PIK3C2G: variants seen among roughly 807,000 people sequenced by gnomAD.
PIK3C2G encodes phosphatidylinositol-4-phosphate 3-kinase catalytic subunit type 2 gamma.
Under a neutral mutation model 181.1 loss-of-function variants are expected in PIK3C2G, and 168 were observed. That is an observed-to-expected ratio of 0.93 (90% CI 0.82 to 1.05). The LOEUF (loss-of-function observed/expected upper bound fraction) is 1.05, where lower values mean the gene tolerates loss of function less well. Among genes scored for constraint, PIK3C2G ranks in the 50% least tolerant of loss-of-function variants. The pLI, the probability that PIK3C2G is intolerant of heterozygous loss-of-function variation, is 0.00. For synonymous variants in PIK3C2G, 573 were observed against 592.2 expected (o/e 0.97, Z 0.47); for missense variants, 1,869 against 1,732.8 (o/e 1.08, Z -1.40).
At chr12:18,451,671 T>C (rs751004134) in intron 18 of PIK3C2G, among the ~76,000 whole-genome samples, 6 of 152,250 alleles carry the variant, frequency 3.9e-5, no homozygotes, top group Admixed American at 6.5e-5. Context: ...AAGGAAATAC[T>C]TCCAGCTTTT....
At chr12:18,292,221 A>AT (rs1489451632) in intron 4 of PIK3C2G, among the ~76,000 whole-genome samples, 1 of 78,822 alleles carries the variant, frequency 1.3e-5, no homozygotes, top group Admixed American at 1.6e-4. Flanking sequence ...AAAAAAAAAA[A>AT]AAAAAAATAT....
chr12:18,358,162 A>G (rs926035398), intron 11 of PIK3C2G, among the ~76,000 whole-genome samples: 3 of 152,152 alleles, frequency 2.0e-5, no homozygotes, highest in Non-Finnish European at 2.9e-5. Context: ...AATATTCTGT[A>G]TTCCACTTTT....
At chr12:18,650,317 C>CTA (rs1317459756), downstream of PIK3C2G, among the ~76,000 whole-genome samples, 7 of 101,176 alleles carry the variant, frequency 6.9e-5, no homozygotes, top group African/African-American at 9.9e-5. Flanking sequence ...CTCTCTCTCT[C>CTA]TCTCTCTCTC....
the PIK3C2G span, among the ~76,000 whole-genome samples, chr12:18,662,754 C>T: frequency 6.6e-6 from 1 of 151,996 alleles, no homozygotes; most frequent in Non-Finnish European, 1.5e-5. Context: ...TCATATGTTA[C>T]TGAAGTTAAG....
chr12:18,404,987 G>A (rs1398653962), intron 16 of PIK3C2G, among the ~76,000 whole-genome samples: 1 of 152,150 alleles, frequency 6.6e-6, no homozygotes, highest in Non-Finnish European at 1.5e-5. Context: ...AACGCACAAA[G>A]CAGATTTGAG....
chr12:18,254,030 T>C (rs1303088417), intron 1 of PIK3C2G, among the ~76,000 whole-genome samples: 2 of 152,022 alleles, frequency 1.3e-5, no homozygotes, highest in East Asian at 3.9e-4. Context: ...AAAAGATGCA[T>C]CCTAAGAGCC....
rs34143887 is a variant in PIK3C2G, at chr12:18,587,893, TAA to T, written c.4012-6591_4012-6590del. ...GTAACTAAAACAGCATGGTACTGAT[TAA>T]AAAAAAAAAGACATATATATCAATA... On this transcript the variant is annotated intron_variant, in intron 29 of 32. Coordinates refer to ENST00000538779, the MANE Select transcript of PIK3C2G (RefSeq NM_001288772.2). Among the ~76,000 whole-genome samples the T allele has an allele frequency of 1.7e-4, 25 of 144,518 alleles. No individual in the cohort carries two copies. In the East Asian group the frequency reaches 4.0e-3, roughly 23 times the overall value. The allele number at this position is 144,518 out of a possible 152,430, so 94.8% of individuals were successfully genotyped here.
chr12:18,432,223 G>C (rs1440794959), intron 18 of PIK3C2G, among the ~76,000 whole-genome samples: 2 of 152,026 alleles, frequency 1.3e-5, no homozygotes, highest in Non-Finnish European at 2.9e-5. Context: ...CACAAATCAA[G>C]TCAAAAGCCA....
chr12:18,630,477 T>C (rs932521746), intron 31 of PIK3C2G, among the ~76,000 whole-genome samples: 1 of 152,102 alleles, frequency 6.6e-6, no homozygotes, highest in African/African-American at 2.4e-5. Flanking sequence ...AAATTTTAAT[T>C]GAAGATTTAG....
At chr12:18,652,933 CAGAG>C (rs1369632207), downstream of PIK3C2G, among the ~76,000 whole-genome samples, 3 of 150,210 alleles carry the variant, frequency 2.0e-5, no homozygotes, top group South Asian at 2.1e-4. Context: ...CTGTCTCACA[CAGAG>C]AGAGAGAGAG....
intron 18 of PIK3C2G, 66 bp downstream of exon 18, chr12:18,424,105 G>A: frequency 1.1e-6 from 1 of 903,056 alleles, no homozygotes; most frequent in African/African-American, 1.6e-5. Flanking sequence ...GGCAGCTTTA[G>A]AGGAAGCAGA....
intron 18 of PIK3C2G, among the ~76,000 whole-genome samples, chr12:18,451,560 G>A (rs1249633572): frequency 6.6e-6 from 1 of 151,974 alleles, no homozygotes; most frequent in Non-Finnish European, 1.5e-5. Context: ...TTTGAATATT[G>A]TTTATTTCTT....
chr12:18,414,151 C>G (rs1945034546), intron 16 of PIK3C2G, among the ~76,000 whole-genome samples: 1 of 152,110 alleles, frequency 6.6e-6, no homozygotes, highest in South Asian at 2.1e-4. Flanking sequence ...AATGCTTGCT[C>G]TTTCACGCAA....
At chr12:18,635,701 A>T (rs541045224) in intron 31 of PIK3C2G, among the ~76,000 whole-genome samples, 1 of 152,310 alleles carries the variant, frequency 6.6e-6, no homozygotes, top group African/African-American at 2.4e-5. Context: ...CTACTGGATC[A>T]TGTAACCCAT....
chr12:18,437,335 T>C (rs61914553), intron 18 of PIK3C2G, among the ~76,000 whole-genome samples: 36,508 of 151,802 alleles, frequency 0.24, 4,631 homozygotes, highest in Admixed American at 0.35. Context: ...TTCAGATGTG[T>C]TGCTTTTAGT....
Position 18,391,261 on chromosome 12 carries a change from C to A in PIK3C2G, c.2126+9C>A. The A allele has an allele frequency of 1.9e-6, 3 of 1,549,050 alleles. No homozygotes were observed. Among genetic ancestry groups the A allele is most frequent in the Non-Finnish European group, 2.6e-6 (3 of 1,151,564 alleles). On this transcript the variant is annotated intron_variant, in intron 15 of 32. Transcript: ENST00000538779. ...AAACAGACTCCCCTACTGTAAGTGA[C>A]CTAGGTCTTGTGAATGAATTTTTGC...
rs1555149102 is a variant in PIK3C2G, at chr12:18,292,227, A to AATATATATATATATAT, written c.919+1228_919+1243dup. 2.1e-3 allele frequency among the ~76,000 whole-genome samples: 103 copies of AATATATATATATATAT among 48,686 alleles called. 1 individual carries two copies. Among genetic ancestry groups the AATATATATATATATAT allele is most frequent in the African/African-American group, 4.5e-3 (41 of 9,040 alleles). 31.9% of individuals were successfully genotyped at this position (48,686 alleles called of 152,430 possible). A position where few individuals can be genotyped will look rare whatever the true frequency, so the allele number is the denominator to read the frequency against. ...CTCCATCTCAAAAAAAAAAAAAAAA[A>AATATATATATATATAT]ATATATATATATATATATATATATA... On this transcript the variant is annotated intron_variant, in intron 4 of 32. Transcript: ENST00000538779.
At chr12:18,707,554 C>T in the PIK3C2G span, among the ~76,000 whole-genome samples, 2 of 152,188 alleles carry the variant, frequency 1.3e-5, no homozygotes, top group African/African-American at 2.4e-5. Flanking sequence ...TTACCAAAGG[C>T]TGTTTTAAGG....
intron 31 of PIK3C2G, among the ~76,000 whole-genome samples, chr12:18,614,478 C>T (rs941877569): frequency 2.0e-5 from 3 of 152,064 alleles, no homozygotes; most frequent in Admixed American, 2.0e-4. Flanking sequence ...TTTCATGAAA[C>T]TTCACTGGAC....
Sources: allele counts gnomAD v4.1 joint callset (sites outside exome capture counted in the v4.1 genomes callset), GRCh38; gene constraint gnomAD v4.1.1; transcripts MANE v1.5; gene names NCBI Gene and HGNC (gene_info 2026-07-23, HGNC 2026-07-21).